The following MCPH1 variants were observed in gnomAD, a reference collection of about 807,000 sequenced individuals.
MCPH1 encodes the protein microcephalin 1.
A neutral mutation model predicts 84.5 loss-of-function variants in MCPH1; 104 were observed. That is an observed-to-expected ratio of 1.23 (90% CI 1.05 to 1.45). MCPH1 has a LOEUF of 1.45. MCPH1 is among the 40% of genes most tolerant of loss of function. The pLI, the probability that MCPH1 is intolerant of heterozygous loss-of-function variation, is 0.00. For synonymous variants in MCPH1, 514 were observed against 366.8 expected, an observed-to-expected ratio of 1.40 and a Z score of -4.58; for missense variants, 1,498 against 1,005.7, an observed-to-expected ratio of 1.49 and a Z score of -6.62.
rs1335007953 is a variant in MCPH1 at position 6,645,552 on chromosome 8, A to G, written c.*2503A>G. ...TATACAGATTGGAAGTGAAGAAATAAAAGTCTTTATTCTCAAGAATACAAG... is the reference window on the plus strand; with the variant it reads ...TATACAGATTGGAAGTGAAGAAATAGAAGTCTTTATTCTCAAGAATACAAG... On this transcript the variant is annotated 3_prime_UTR_variant, in exon 14 of 14. Transcript: ENST00000344683. 6.6e-6 allele frequency: 1 copy of G among 151,130 alleles called. No individual in the cohort carries two copies. The highest frequency in any genetic ancestry group is 1.5e-5 in the Non-Finnish European group (1 of 67,934). The allele number at this position is 151,130 out of a possible 1,614,324, so 9.4% of individuals were successfully genotyped here.
chr8:6,622,134 TCC>T, intron 13 of MCPH1: 1 of 272,888 alleles, frequency 3.7e-6, no homozygotes, highest in Non-Finnish European at 7.3e-6. Flanking sequence ...TCATGATCAC[TCC>T]GTCTGCTCAT....
At chr8:6,597,398 G>C (rs1158642365) in intron 12 of MCPH1, among the ~76,000 whole-genome samples, 1 of 152,184 alleles carries the variant, frequency 6.6e-6, no homozygotes, top group Non-Finnish European at 1.5e-5. Context: ...GGACTAGAAG[G>C]TAGACTCCAG....
chr8:6,439,203 C>T (rs1206952451), intron 6 of MCPH1, 107 bp downstream of exon 6: 31 of 1,130,962 alleles, frequency 2.7e-5, no homozygotes, highest in Non-Finnish European at 3.9e-5. Context: ...CTGGTAGTAA[C>T]ACATTTTGAC....
At chr8:6,628,136 A>T (rs929450138) in intron 13 of MCPH1, among the ~76,000 whole-genome samples, 1 of 152,086 alleles carries the variant, frequency 6.6e-6, no homozygotes, top group African/African-American at 2.4e-5. Context: ...AACAGAACTA[A>T]ACTCACTGGA....
At chr8:6,414,669 G>A (rs1468298925) in intron 2 of MCPH1, 96 bp from the exon 3 acceptor site, 2 of 1,369,130 alleles carry the variant, frequency 1.5e-6, no homozygotes, top group Non-Finnish European at 2.0e-6. Context: ...CAGATGTTGA[G>A]AAACAGAATT....
At chr8:6,509,058 G>C (rs1445691618) in intron 12 of MCPH1, 1 of 1,613,800 alleles carries the variant, frequency 6.2e-7, no homozygotes, top group Admixed American at 1.7e-5. Context: ...CCTTTAAGGT[G>C]AATCCTGTAA....
At chr8:6,449,854 C>A (rs1044987747) in intron 8 of MCPH1, among the ~76,000 whole-genome samples, 2 of 152,168 alleles carry the variant, frequency 1.3e-5, no homozygotes, top group African/African-American at 4.8e-5. Flanking sequence ...AGCTCTTCAA[C>A]CACCGAAAGT....
intron 12 of MCPH1, among the ~76,000 whole-genome samples, chr8:6,515,811 T>C (rs1383100962): frequency 1.3e-5 from 2 of 152,214 alleles, no homozygotes; most frequent in Admixed American, 6.5e-5. Flanking sequence ...TGGAGGCGAT[T>C]TGGCAGGGTA....
chr8:6,601,275 C>G (rs896897572), intron 12 of MCPH1, among the ~76,000 whole-genome samples: 4 of 152,304 alleles, frequency 2.6e-5, no homozygotes, highest in East Asian at 1.9e-4. Flanking sequence ...TCAGGGCACC[C>G]TGTGCTTCCC....
chr8:6,591,401 G>T (rs1164093045), intron 12 of MCPH1, among the ~76,000 whole-genome samples: 4 of 152,192 alleles, frequency 2.6e-5, no homozygotes, highest in Admixed American at 6.5e-5. Flanking sequence ...TGAGTGATAA[G>T]CCCTGGTAAC....
intron 12 of MCPH1, among the ~76,000 whole-genome samples, chr8:6,506,861 A>G (rs778048420): frequency 1.3e-5 from 2 of 151,176 alleles, no homozygotes; most frequent in African/African-American, 2.4e-5. Context: ...TGAATTTCAT[A>G]TTATTTTCAT....
rs17076930 is a variant in MCPH1 at position 6,447,327 on chromosome 8, T to C, written c.1825+1780T>C. ...ATGCACACTCTATATCTGGTGAAAT[T>C]ATGGAGGGGTGAAAACTTCTGTACA... On this transcript the variant is annotated intron_variant, in intron 8 of 13. Coordinates refer to ENST00000344683, the MANE Select transcript of MCPH1 (RefSeq NM_024596.5). 7.4e-3 allele frequency: 7,315 copies of C among 985,358 alleles called. 39 individuals are homozygous for C. The highest frequency in any genetic ancestry group is 0.044 in the Middle Eastern group (85 of 1,914). 61.0% of individuals were successfully genotyped at this position (985,358 alleles called of 1,614,324 possible). A position where few individuals can be genotyped will look rare whatever the true frequency, so the allele number is the denominator to read the frequency against.
chr8:6,428,177 A>G (rs755593807), intron 3 of MCPH1, among the ~76,000 whole-genome samples: 9 of 152,106 alleles, frequency 5.9e-5, no homozygotes, highest in African/African-American at 9.7e-5. Context: ...GTAATGCCTT[A>G]AAATACATTG....
intron 13 of MCPH1, among the ~76,000 whole-genome samples, chr8:6,630,813 T>C (rs1022813100): frequency 1.4e-5 from 2 of 146,236 alleles, no homozygotes; most frequent in East Asian, 2.0e-4. Flanking sequence ...AAAACAATTA[T>C]ATATCAACAA....
rs116472172 is a variant in MCPH1, at chr8:6,575,917, C to T, written c.2215-45537C>T. ...AGATCCTGCCTCGTGGCTTTGGCTT[C>T]CAGAAGGAACCAACCCTGCCCCACA... On this transcript the variant is annotated intron_variant, in intron 12 of 13. Transcript: ENST00000344683. Among the ~76,000 whole-genome samples, 630 of 152,194 alleles carry T rather than the reference C, an allele frequency of 4.1e-3. 6 individuals carry two copies. The highest frequency in any genetic ancestry group is 0.014 in the African/African-American group (591 of 41,518).
At chr8:6,613,280 G>A (rs573534158) in intron 12 of MCPH1, among the ~76,000 whole-genome samples, 1 of 152,216 alleles carries the variant, frequency 6.6e-6, no homozygotes. Context: ...GAGCCGGGTA[G>A]AAACAGTGGA....
At chr8:6,409,063 T>A (rs1798166989) in intron 1 of MCPH1, among the ~76,000 whole-genome samples, 1 of 152,048 alleles carries the variant, frequency 6.6e-6, no homozygotes, top group Non-Finnish European at 1.5e-5. Flanking sequence ...TTTTTGTATC[T>A]TTTAGTAGAG....
At chr8:6,609,027 C>G (rs111740879) in intron 12 of MCPH1, among the ~76,000 whole-genome samples, 2 of 152,132 alleles carry the variant, frequency 1.3e-5, no homozygotes, top group African/African-American at 4.8e-5. Flanking sequence ...GGTGGCCCTG[C>G]CCAAATTCTC....
chr8:6,518,190 C>T (rs779384128), intron 12 of MCPH1, among the ~76,000 whole-genome samples: 66 of 152,182 alleles, frequency 4.3e-4, no homozygotes, highest in Non-Finnish European at 7.2e-4. Flanking sequence ...CCCTCTGCAT[C>T]GGTGTCCATG....
Sources: allele counts gnomAD v4.1 joint callset (sites outside exome capture counted in the v4.1 genomes callset), GRCh38; gene constraint gnomAD v4.1.1; transcripts MANE v1.5; gene names NCBI Gene and HGNC (gene_info 2026-07-23, HGNC 2026-07-21).